The following AGBL1 variants were observed in gnomAD, a reference collection of about 807,000 sequenced individuals.
AGBL1 encodes the protein AGBL carboxypeptidase 1, also known as cytosolic carboxypeptidase 4.
In AGBL1, 130 loss-of-function variants were observed where a neutral mutation model predicts 118.9. The ratio of observed to expected loss-of-function variants is 1.09; its 90% CI spans 0.95 to 1.26. AGBL1 has a LOEUF of 1.26. Ranked by LOEUF, AGBL1 falls within the 50% of genes most tolerant of loss-of-function variation. AGBL1 has a pLI of 0.00. For missense variants in AGBL1, 1,584 were observed against 1,298.1 expected (o/e 1.22, Z -3.38); for synonymous variants, 555 against 478.9 (o/e 1.16, Z -2.08).
At chr15:86,389,371 A>G (rs2081244797) in intron 17 of AGBL1, among the ~76,000 whole-genome samples, 1 of 152,276 alleles carries the variant, frequency 6.6e-6, no homozygotes, top group African/African-American at 2.4e-5. Flanking sequence ...ACATGGAGAG[A>G]TGTGGAAAAT....
intron 22 of AGBL1, among the ~76,000 whole-genome samples, chr15:86,839,186 T>C (rs1374615489): frequency 6.6e-6 from 1 of 151,906 alleles, no homozygotes; most frequent in Non-Finnish European, 1.5e-5. Context: ...CATTTAGGAG[T>C]TGCAACATCA....
At chr15:86,267,191 T>C (rs954841902) in intron 13 of AGBL1, 115 bp downstream of exon 13, 1 of 785,328 alleles carries the variant, frequency 1.3e-6, no homozygotes, top group African/African-American at 1.7e-5. Context: ...AAATCAGCCA[T>C]GGTGGGAATA....
intron 21 of AGBL1, among the ~76,000 whole-genome samples, chr15:86,636,493 AGT>A (rs1491265888): frequency 1.3e-3 from 38 of 30,078 alleles, no homozygotes; most frequent in African/African-American, 3.0e-3. Context: ...TCATCAAGAT[AGT>A]TTTTTTTTTT....
chr15:86,343,088 G>T (rs1367835299), intron 17 of AGBL1, among the ~76,000 whole-genome samples: 1 of 152,060 alleles, frequency 6.6e-6, no homozygotes, highest in Non-Finnish European at 1.5e-5. Flanking sequence ...CATTTTTCTT[G>T]ATGTGCTGGA....
chr15:86,835,520 C>T (rs1005624877), intron 22 of AGBL1, among the ~76,000 whole-genome samples: 5 of 151,770 alleles, frequency 3.3e-5, no homozygotes, highest in African/African-American at 9.7e-5. Flanking sequence ...TTGGAAATAC[C>T]GTAGAAAAAG....
chr15:86,181,050 C>T (rs2077545801), intron 5 of AGBL1, among the ~76,000 whole-genome samples: 1 of 152,110 alleles, frequency 6.6e-6, no homozygotes, highest in Non-Finnish European at 1.5e-5. Context: ...CCAACACTCA[C>T]ACTTTGCTGG....
At chr15:86,273,471 C>G (rs1365020733) in intron 15 of AGBL1, among the ~76,000 whole-genome samples, 1 of 152,120 alleles carries the variant, frequency 6.6e-6, no homozygotes, top group African/African-American at 2.4e-5. Context: ...TAACATATTC[C>G]CAATACTGTG....
At chr15:86,397,051 G>A (rs2081375798) in intron 17 of AGBL1, among the ~76,000 whole-genome samples, 1 of 152,020 alleles carries the variant, frequency 6.6e-6, no homozygotes, top group East Asian at 1.9e-4. Context: ...ATAGAAAATG[G>A]GTAAATGTAG....
At chr15:86,148,100 A>G (rs1336950474) in intron 3 of AGBL1, among the ~76,000 whole-genome samples, 4 of 152,200 alleles carry the variant, frequency 2.6e-5, no homozygotes, top group Admixed American at 2.0e-4. Context: ...AACAAAGATC[A>G]TCTACACCAA....
rs115527480 is a variant in AGBL1 at position 86,329,107 on chromosome 15, G to A, written c.2374+33699G>A. 2.5e-3 allele frequency among the ~76,000 whole-genome samples: 379 copies of A among 152,218 alleles called. 2 individuals carry two copies. The highest frequency in any genetic ancestry group is 8.5e-3 in the African/African-American group (352 of 41,532). On this transcript the variant is annotated intron_variant, in intron 17 of 22. Coordinates refer to ENST00000614907, the MANE Select transcript of AGBL1 (RefSeq NM_001386094.1). ...ACAGCTGTGGTTTCTCCTAGGTGAC[G>A]AGACTTGCAGCCAGGGCCATCTTGG...
chr15:86,553,425 C>T (rs942321589), intron 20 of AGBL1, among the ~76,000 whole-genome samples: 1 of 152,020 alleles, frequency 6.6e-6, no homozygotes, highest in African/African-American at 2.4e-5. Flanking sequence ...ATTTTTACCC[C>T]AAGAAAAGGT....
intron 23 of AGBL1, among the ~76,000 whole-genome samples, chr15:86,968,865 C>T (rs774733059): frequency 1.3e-5 from 2 of 151,860 alleles, no homozygotes; most frequent in African/African-American, 4.8e-5. Flanking sequence ...CCCCTTGTAG[C>T]TTTCTCACAT....
At chr15:86,715,599 G>A (rs751030453) in intron 22 of AGBL1, among the ~76,000 whole-genome samples, 1 of 152,104 alleles carries the variant, frequency 6.6e-6, no homozygotes, top group Non-Finnish European at 1.5e-5. Context: ...CTTATTCTCT[G>A]AAATTTTTTG....
chr15:86,479,079 A>T (rs1263172881), intron 18 of AGBL1, among the ~76,000 whole-genome samples: 1 of 152,184 alleles, frequency 6.6e-6, no homozygotes, highest in Non-Finnish European at 1.5e-5. Context: ...ACAAAAATCA[A>T]TTCAAGATGG....
At chr15:86,565,937 G>A (rs550925639) in intron 21 of AGBL1, among the ~76,000 whole-genome samples, 6 of 152,230 alleles carry the variant, frequency 3.9e-5, no homozygotes, top group East Asian at 1.9e-4. Flanking sequence ...AGCCAGGCGC[G>A]GGATATAATC....
At chr15:86,456,077 G>A (rs28659179) in intron 18 of AGBL1, among the ~76,000 whole-genome samples, 18,244 of 152,076 alleles carry the variant, frequency 0.12, 1,490 homozygotes, top group African/African-American at 0.23. Context: ...TGCAAGTTAT[G>A]TATATTTTTC....
intron 16 of AGBL1, among the ~76,000 whole-genome samples, chr15:86,292,396 G>C (rs2079561718): frequency 6.6e-6 from 1 of 152,150 alleles, no homozygotes; most frequent in South Asian, 2.1e-4. Context: ...AAGAGATCTT[G>C]TATAGAGCTT....
At chr15:86,487,304 C>G (rs552888563) in intron 18 of AGBL1, among the ~76,000 whole-genome samples, 1 of 152,206 alleles carries the variant, frequency 6.6e-6, no homozygotes, top group East Asian at 1.9e-4. Context: ...GGAGCTTCAT[C>G]CTCCAAGGGC....
intron 1 of AGBL1, among the ~76,000 whole-genome samples, chr15:86,122,957 A>G (rs1898176509): frequency 6.6e-6 from 1 of 152,230 alleles, no homozygotes; most frequent in Non-Finnish European, 1.5e-5. Flanking sequence ...ACTCTAGTAT[A>G]GCATCACATA....
Sources: gnomAD v4.1 joint callset for allele counts (sites outside exome capture counted in the v4.1 genomes callset) on GRCh38, gnomAD v4.1.1 for gene constraint, MANE v1.5 for transcripts, NCBI Gene and HGNC (gene_info 2026-07-23, HGNC 2026-07-21) for gene names.